The following STX6 variants were observed in gnomAD, a reference collection of about 807,000 sequenced individuals.
STX6 encodes the protein syntaxin-6.
STX6 carries 23 observed loss-of-function variants against 38.0 expected under a neutral mutation model. The observed-to-expected ratio is 0.60, with a 90% CI of 0.43 to 0.86. The LOEUF (loss-of-function observed/expected upper bound fraction) is 0.86. Ranked by LOEUF, STX6 falls within the 40% of genes least tolerant of loss-of-function variation. STX6 has a pLI of 0.00. For missense variants in STX6, 274 were observed against 312.9 expected, an observed-to-expected ratio of 0.88 and a Z score of 0.94; for synonymous variants, 123 against 107.5, an observed-to-expected ratio of 1.14 and a Z score of -0.89.
intron 3 of STX6, among the ~76,000 whole-genome samples, chr1:181,000,332 T>C (rs1372770846): frequency 6.6e-6 from 1 of 152,244 alleles, no homozygotes; most frequent in Non-Finnish European, 1.5e-5. Context: ...AGAGGTTTAA[T>C]TGACTCACAG....
At chr1:180,992,512 A>T (rs1026623031) in intron 4 of STX6, among the ~76,000 whole-genome samples, 3 of 152,388 alleles carry the variant, frequency 2.0e-5, no homozygotes, top group African/African-American at 7.2e-5. Flanking sequence ...AAGGTAAGTC[A>T]TTTAAAGCAA....
At chr1:181,000,011 C>T (rs1656031828) in intron 3 of STX6, among the ~76,000 whole-genome samples, 1 of 152,186 alleles carries the variant, frequency 6.6e-6, no homozygotes, top group African/African-American at 2.4e-5. Flanking sequence ...AGCACCATTG[C>T]TATTTCCTCC....
intron 6 of STX6, among the ~76,000 whole-genome samples, chr1:180,987,056 CATT>C (rs1410678129): frequency 2.6e-5 from 4 of 152,206 alleles, no homozygotes; most frequent in Non-Finnish European, 5.9e-5. Flanking sequence ...ACTGGTCTCT[CATT>C]ATGCTGAGAA....
At chr1:180,998,154 A>T (rs1481488829) in intron 3 of STX6, among the ~76,000 whole-genome samples, 1 of 152,164 alleles carries the variant, frequency 6.6e-6, no homozygotes, top group African/African-American at 2.4e-5. Context: ...ACTTCTTGAA[A>T]ATTTTCTCTA....
chr1:180,987,187 C>T (rs2102306607), intron 6 of STX6, among the ~76,000 whole-genome samples: 1 of 152,300 alleles, frequency 6.6e-6, no homozygotes, highest in African/African-American at 2.4e-5. Context: ...TTCACAGGTG[C>T]ATTTTCTTCC....
intron 5 of STX6, 42 bp from the exon 6 acceptor site, chr1:180,988,387 T>G (rs764190074): frequency 6.6e-5 from 100 of 1,519,358 alleles, no homozygotes; most frequent in Non-Finnish European, 8.3e-5. Flanking sequence ...AAAATCCATC[T>G]TACCTGGTTC....
intron 7 of STX6, among the ~76,000 whole-genome samples, chr1:180,981,404 A>T (rs1655412323): frequency 6.6e-6 from 1 of 152,232 alleles, no homozygotes; most frequent in Admixed American, 6.5e-5. Flanking sequence ...CTTTGCTAAA[A>T]TGATTAGTTG....
chr1:181,013,823 C>A (rs150163346), intron 1 of STX6, among the ~76,000 whole-genome samples: 7 of 152,324 alleles, frequency 4.6e-5, no homozygotes, highest in Non-Finnish European at 8.8e-5. Flanking sequence ...GGCATCACAT[C>A]TCTCTATCTC....
At chr1:181,013,878 C>A (rs1656479883) in intron 1 of STX6, among the ~76,000 whole-genome samples, 1 of 152,210 alleles carries the variant, frequency 6.6e-6, no homozygotes, top group Admixed American at 6.5e-5. Flanking sequence ...TTCAATGTAA[C>A]TGGACTTGTT....
chr1:180,977,588 G>C (rs1022444461), intron 7 of STX6, among the ~76,000 whole-genome samples: 1 of 152,208 alleles, frequency 6.6e-6, no homozygotes, highest in Non-Finnish European at 1.5e-5. Flanking sequence ...ATGAGTTTTG[G>C]CATCTTCCAC....
At chr1:180,993,511 AATTT>A in intron 3 of STX6, 86 bp from the exon 4 acceptor site, 2 of 669,744 alleles carry the variant, frequency 3.0e-6, no homozygotes, top group Non-Finnish European at 5.2e-6. Context: ...CAAAACACAC[AATTT>A]ATTATTACTT....
chr1:180,979,829 C>T (rs1655350154), intron 7 of STX6, among the ~76,000 whole-genome samples: 2 of 149,752 alleles, frequency 1.3e-5, no homozygotes, highest in South Asian at 4.2e-4. Context: ...ATGTATTATA[C>T]AAAGAATTTT....
At chr1:181,019,599 C>A (rs778863737) in intron 1 of STX6, among the ~76,000 whole-genome samples, 6 of 152,094 alleles carry the variant, frequency 3.9e-5, no homozygotes, top group Non-Finnish European at 8.8e-5. Context: ...AGTACTAAGG[C>A]TAAGGGAGAG....
intron 1 of STX6, among the ~76,000 whole-genome samples, chr1:181,009,549 G>A (rs191834562): frequency 2.5e-4 from 37 of 149,204 alleles, no homozygotes; most frequent in Non-Finnish European, 3.3e-4. Flanking sequence ...CACAGGAAAA[G>A]ATGCCCAATA....
At chr1:181,009,470 C>CAAAAAA (rs34469966) in intron 1 of STX6, among the ~76,000 whole-genome samples, 2 of 105,432 alleles carry the variant, frequency 1.9e-5, no homozygotes, top group Non-Finnish European at 1.9e-5. Flanking sequence ...CTGTTGTTTC[C>CAAAAAA]AAAAAAAAAA....
chr1:180,994,968 A>T (rs981182651), intron 3 of STX6, among the ~76,000 whole-genome samples: 20 of 144,624 alleles, frequency 1.4e-4, no homozygotes, highest in South Asian at 4.4e-4. Flanking sequence ...TTAAAAAAAA[A>T]TTTTTTTTTT....
At chr1:181,002,008 T>C (rs1407707924) in intron 3 of STX6, among the ~76,000 whole-genome samples, 1 of 152,064 alleles carries the variant, frequency 6.6e-6, no homozygotes, top group Non-Finnish European at 1.5e-5. Context: ...GTGAACCCTG[T>C]CTCTACAAAA....
At position 180,984,097 on chromosome 1, in the gene STX6, G is replaced by T. The variant is rs1352368488; in HGVS notation, c.691+580C>A. Among the ~76,000 whole-genome samples, 17 of 91,048 alleles carry T rather than the reference G, an allele frequency of 1.9e-4. 1 individual carries two copies. The highest frequency in any genetic ancestry group is 2.0e-4 in the Non-Finnish European group (9 of 44,784). The allele number at this position is 91,048 out of a possible 152,430, so 59.7% of individuals were successfully genotyped here. ...AAAAAAAAAAAAAAAAAAACACAAC[G>T]AAAGTGACTCTACTGGGAAAAAAAC... On this transcript the variant is annotated intron_variant, in intron 7 of 7. Coordinates refer to ENST00000258301, the MANE Select transcript of STX6 (RefSeq NM_005819.6).
At position 181,005,366 on chromosome 1, in the gene STX6, A is replaced by G. The variant is rs761292187; in HGVS notation, c.133T>C (p.Trp45Arg). 1 of 1,614,120 alleles carries G rather than the reference A, an allele frequency of 6.2e-7. No homozygotes were observed. The highest frequency in any genetic ancestry group is 8.5e-7 in the Non-Finnish European group (1 of 1,179,998). The change falls in exon 2 of 8, where the codon TGG becomes CGG. Residue 45 changes from tryptophan to arginine, a missense_variant. Physicochemically the swap from Trp to Arg is moderately radical, Grantham distance 101. Coordinates refer to ENST00000258301, the MANE Select transcript of STX6 (RefSeq NM_005819.6). The part of the protein sequence containing the change: ...PSTATREEID[W>R]TTNELRNNLR... ...TTATTTCTCAGCTCGTTGGTGGTCC[A>G]GTCGATTTCTTCCCTTGTTGCTGTG...
Sources: gnomAD v4.1 joint callset for allele counts (sites outside exome capture counted in the v4.1 genomes callset) on GRCh38, gnomAD v4.1.1 for gene constraint, MANE v1.5 for transcripts, NCBI Gene and HGNC (gene_info 2026-07-23, HGNC 2026-07-21) for gene names.